ELK3: variants seen among roughly 807,000 people sequenced by gnomAD.
ELK3 encodes the protein ETS domain-containing protein Elk-3.
In ELK3, 10 loss-of-function variants were observed where a neutral mutation model predicts 28.9. That is an observed-to-expected ratio of 0.35 (90% CI 0.21 to 0.59). The LOEUF is 0.59. Ranked by LOEUF, ELK3 falls within the 20% of genes least tolerant of loss-of-function variation. The probability of loss-of-function intolerance (pLI) is 0.82; values close to 1 mark genes in which losing one functional copy is unlikely to be tolerated. For synonymous variants in ELK3, 272 were observed against 243.5 expected, an observed-to-expected ratio of 1.12 and a Z score of -1.09; for missense variants, 463 against 517.3, an observed-to-expected ratio of 0.90 and a Z score of 1.02.
Position 96,247,883 on chromosome 12 carries a change from T to A in ELK3, c.1002+149T>A, listed in dbSNP as rs1030086523. 1 of 1,052,308 alleles carries A rather than the reference T, an allele frequency of 9.5e-7. No homozygotes were observed. 65.2% of individuals were successfully genotyped at this position (1,052,308 alleles called of 1,614,324 possible). On this transcript the variant is annotated intron_variant, in intron 3 of 4. Transcript: ENST00000228741. This position sits in a 1 kb window ranked among gnomAD's most constrained non-coding sequence, Gnocchi z 5.5. Reference sequence around the variant, plus strand: ...CTGTGTAAATGTGAAGGGAAGCTGCTTTTCCATCCTCAGACCAAGGGGTGC... The same window carrying A: ...CTGTGTAAATGTGAAGGGAAGCTGCATTTCCATCCTCAGACCAAGGGGTGC...
chr12:96,262,922 G>C (rs527568290), intron 4 of ELK3, among the ~76,000 whole-genome samples: 1 of 151,676 alleles, frequency 6.6e-6, no homozygotes, highest in African/African-American at 2.4e-5. Flanking sequence ...GGAGTAGCTG[G>C]GACTACAGGC....
At chr12:96,266,390 G>C (rs1952029997) in intron 4 of ELK3, among the ~76,000 whole-genome samples, 1 of 152,094 alleles carries the variant, frequency 6.6e-6, no homozygotes, top group South Asian at 2.1e-4. Flanking sequence ...GTTCAGTTGG[G>C]ATTGCAACTA....
intron 2 of ELK3, among the ~76,000 whole-genome samples, chr12:96,236,646 C>T (rs1341118251): frequency 1.3e-5 from 2 of 152,184 alleles, no homozygotes; most frequent in Non-Finnish European, 2.9e-5. Context: ...GCCTAGGCTC[C>T]ACCTTACCCG....
chr12:96,269,232 A>T lies in ELK3; in HGVS notation c.*2052A>T, dbSNP rs1207845837. The stretch of plus-strand genomic sequence containing the variant: ...GTGTTATTAGTAAAACAAACAAAAC[A>T]GATAAAGACAGCATTTAAAACTGTG... On this transcript the variant is annotated 3_prime_UTR_variant, in exon 5 of 5. Transcript: ENST00000228741. 1 of 152,150 alleles carries T rather than the reference A, an allele frequency of 6.6e-6. No individual in the cohort carries two copies. The highest frequency in any genetic ancestry group is 1.9e-4 in the East Asian group (1 of 5,202). The allele number at this position is 152,150 out of a possible 1,614,324, so 9.4% of individuals were successfully genotyped here.
intron 2 of ELK3, among the ~76,000 whole-genome samples, chr12:96,245,378 G>A (rs368545224): frequency 6.6e-6 from 1 of 152,100 alleles, no homozygotes; most frequent in African/African-American, 2.4e-5. Context: ...AGAATCTGTC[G>A]ATCTTGGTGG....
chr12:96,231,234 A>C (rs1951739879), intron 2 of ELK3, among the ~76,000 whole-genome samples: 2 of 152,328 alleles, frequency 1.3e-5, no homozygotes, highest in South Asian at 4.1e-4. Flanking sequence ...CCTTAGGTTT[A>C]AACTGAGTCT....
intron 1 of ELK3, among the ~76,000 whole-genome samples, chr12:96,196,429 G>T (rs1028971681): frequency 6.8e-6 from 1 of 146,158 alleles, no homozygotes; most frequent in Non-Finnish European, 1.5e-5. Flanking sequence ...GGTGGGGGGG[G>T]TGTGGAGCAT....
At chr12:96,263,373 T>TTTC (rs1266012183) in intron 4 of ELK3, among the ~76,000 whole-genome samples, 1 of 152,216 alleles carries the variant, frequency 6.6e-6, no homozygotes, top group African/African-American at 2.4e-5. Context: ...AGTTTATTAT[T>TTTC]TTCTTCTTGT....
At chr12:96,254,269 G>A (rs1280874685) in intron 3 of ELK3, among the ~76,000 whole-genome samples, 1 of 152,204 alleles carries the variant, frequency 6.6e-6, no homozygotes, top group African/African-American at 2.4e-5. Context: ...AGGTTACAGT[G>A]AGCCAAGATT....
Position 96,223,520 on chromosome 12 carries a change from C to A in ELK3, c.-2-45C>A. ...CCCCTCTCTCCTCGCCAAGTTTGGTCGGCATCGTGACCAGCAGCTCTGACC... is the reference window on the plus strand; with the variant it reads ...CCCCTCTCTCCTCGCCAAGTTTGGTAGGCATCGTGACCAGCAGCTCTGACC... On this transcript the variant is annotated intron_variant, in intron 1 of 4. Transcript: ENST00000228741. 3 of 1,599,450 alleles carry A rather than the reference C, an allele frequency of 1.9e-6. No homozygotes were observed. The South Asian group carries it at 3.3e-5, about 18-fold the overall frequency.
chr12:96,226,230 C>T (rs1428227281), intron 2 of ELK3, among the ~76,000 whole-genome samples: 4 of 152,220 alleles, frequency 2.6e-5, no homozygotes, highest in Non-Finnish European at 5.9e-5. Flanking sequence ...GTCCAGGTGG[C>T]TGGTGTGGCC....
chr12:96,269,439 A>G lies in ELK3; in HGVS notation c.*2259A>G, dbSNP rs545805887. ...TTCCTTTGGAAACTGGGATTAATGT[A>G]TGCTCTAGATCCATTTATTAGAAAT... On this transcript the variant is annotated 3_prime_UTR_variant, in exon 5 of 5. Coordinates refer to ENST00000228741, the MANE Select transcript of ELK3 (RefSeq NM_005230.4). The G allele has an allele frequency of 1.3e-5, 2 of 152,354 alleles. No individual in the cohort carries two copies. The highest frequency in any genetic ancestry group is 2.9e-5 in the Non-Finnish European group (2 of 68,024). The allele number at this position is 152,354 out of a possible 1,614,324, so 9.4% of individuals were successfully genotyped here.
At position 96,218,135 on chromosome 12, in the gene ELK3, C is replaced by T. The variant is rs374975698; in HGVS notation, c.-2-5430C>T. Among the ~76,000 whole-genome samples the T allele has an allele frequency of 9.9e-5, 15 of 152,186 alleles. No individual in the cohort carries two copies. In the South Asian group the frequency reaches 3.1e-3, roughly 32 times the overall value. On this transcript the variant is annotated intron_variant, in intron 1 of 4. Coordinates refer to ENST00000228741, the MANE Select transcript of ELK3 (RefSeq NM_005230.4). The stretch of plus-strand genomic sequence containing the variant: ...GGGGCAAGTAACAGGTGGTTTTGCC[C>T]TCTGGAGTAGGAGTGGGTGGACCTC...
chr12:96,245,605 A>G (rs1951849914), intron 2 of ELK3, among the ~76,000 whole-genome samples: 1 of 152,120 alleles, frequency 6.6e-6, no homozygotes, highest in Admixed American at 6.5e-5. Context: ...TAGGTGGAAT[A>G]GTTTCTAAGG....
chr12:96,216,505 G>T (rs1329737229), intron 1 of ELK3, among the ~76,000 whole-genome samples: 1 of 152,188 alleles, frequency 6.6e-6, no homozygotes, highest in African/African-American at 2.4e-5. Flanking sequence ...TCGCCATGTG[G>T]CTGAAGAGTC....
At chr12:96,242,077 C>T (rs558442598) in intron 2 of ELK3, among the ~76,000 whole-genome samples, 3 of 152,374 alleles carry the variant, frequency 2.0e-5, no homozygotes, top group South Asian at 2.1e-4. Context: ...CAGCATCGCT[C>T]AGGTTACCAG....
intron 3 of ELK3, among the ~76,000 whole-genome samples, chr12:96,253,565 C>T (rs917815519): frequency 6.6e-6 from 1 of 152,222 alleles, no homozygotes; most frequent in Non-Finnish European, 1.5e-5. Flanking sequence ...TCCAGAGATT[C>T]AGTCACCTTT....
intron 1 of ELK3, among the ~76,000 whole-genome samples, chr12:96,199,480 C>CTTG (rs140413820): frequency 2.7e-5 from 4 of 146,384 alleles, no homozygotes; most frequent in South Asian, 4.4e-4. Context: ...ATAAAATTAG[C>CTTG]TGTGTGTGTG....
At chr12:96,228,549 A>T (rs1421331170) in intron 2 of ELK3, among the ~76,000 whole-genome samples, 1 of 151,882 alleles carries the variant, frequency 6.6e-6, no homozygotes, top group Non-Finnish European at 1.5e-5. Context: ...TATCAGGAGC[A>T]CTTTGTCGTG....
Sources: allele counts gnomAD v4.1 joint callset (sites outside exome capture counted in the v4.1 genomes callset), GRCh38; gene constraint gnomAD v4.1.1; non-coding constraint Gnocchi (gnomAD v3.1); transcripts MANE v1.5; gene names NCBI Gene and HGNC (gene_info 2026-07-23, HGNC 2026-07-21).